The following CDH12 variants were observed in gnomAD, a reference collection of about 807,000 sequenced individuals.
CDH12 encodes cadherin-12.
In CDH12, 41 loss-of-function variants were observed where a neutral mutation model predicts 74.1. The observed-to-expected ratio is 0.55, with a 90% CI of 0.43 to 0.72. The LOEUF is 0.72. CDH12 is among the 30% of genes least tolerant of loss of function. CDH12 has a pLI of 0.00. For synonymous variants in CDH12, 399 were observed against 355.0 expected, an observed-to-expected ratio of 1.12 and a Z score of -1.39; for missense variants, 945 against 977.2, an observed-to-expected ratio of 0.97 and a Z score of 0.44.
chr5:22,711,938 C>A (rs1012641565), intron 1 of CDH12, among the ~76,000 whole-genome samples: 4 of 152,002 alleles, frequency 2.6e-5, no homozygotes, highest in African/African-American at 9.7e-5. Context: ...TAGAAAGCTA[C>A]CCTTTAAGGT....
rs575318070 is a variant in CDH12, at chr5:21,840,873, C to T, written c.814+1288G>A. Among the ~76,000 whole-genome samples the T allele has an allele frequency of 2.0e-3, 311 of 152,192 alleles. 1 individual carries two copies. Among genetic ancestry groups the T allele is most frequent in the African/African-American group, 7.1e-3 (295 of 41,486 alleles). On this transcript the variant is annotated intron_variant, in intron 8 of 14. Coordinates refer to ENST00000382254, the MANE Select transcript of CDH12 (RefSeq NM_004061.5). ...AAACCAATTCAAGATGGATTAAAGA[C>T]TTAAACGTTAGACCTAAAACCATAA...
At chr5:22,799,032 G>T (rs991854845) in intron 1 of CDH12, among the ~76,000 whole-genome samples, 10 of 152,110 alleles carry the variant, frequency 6.6e-5, no homozygotes, top group African/African-American at 2.4e-4. Context: ...TGGGAGGATG[G>T]CTTGAGCCTG....
At chr5:22,652,365 C>A (rs977895883) in intron 1 of CDH12, among the ~76,000 whole-genome samples, 1 of 151,982 alleles carries the variant, frequency 6.6e-6, no homozygotes, top group Non-Finnish European at 1.5e-5. Context: ...ATTCTGTAGC[C>A]CTCTGTTATC....
chr5:21,882,315 G>A (rs1386914331), intron 6 of CDH12, among the ~76,000 whole-genome samples: 3 of 152,116 alleles, frequency 2.0e-5, no homozygotes, highest in Non-Finnish European at 4.4e-5. Flanking sequence ...AGAGGATGAC[G>A]TAAAGCAATC....
At chr5:21,842,418 C>T in intron 7 of CDH12, 90 bp from the exon 8 acceptor site, 1 of 852,734 alleles carries the variant, frequency 1.2e-6, no homozygotes, top group South Asian at 2.0e-5. Flanking sequence ...CATGATTCTA[C>T]CTAGAATCAC....
intron 1 of CDH12, among the ~76,000 whole-genome samples, chr5:22,760,868 G>A (rs58916190): frequency 0.011 from 1,645 of 151,958 alleles, 34 homozygotes; most frequent in African/African-American, 0.038. Flanking sequence ...GATCCTATAC[G>A]TCTGCAACAC....
chr5:22,331,057 G>T (rs999459736), intron 3 of CDH12, among the ~76,000 whole-genome samples: 9 of 152,138 alleles, frequency 5.9e-5, no homozygotes, highest in Non-Finnish European at 1.0e-4. Flanking sequence ...CACAAGGAGA[G>T]GCTCCTCTGC....
intron 5 of CDH12, among the ~76,000 whole-genome samples, chr5:22,037,520 A>G (rs1439864094): frequency 1.3e-5 from 2 of 152,158 alleles, no homozygotes; most frequent in Non-Finnish European, 2.9e-5. Context: ...CAGTGCTGAC[A>G]ACACCTTGAT....
intron 4 of CDH12, among the ~76,000 whole-genome samples, chr5:22,146,984 T>C (rs1314438998): frequency 6.6e-6 from 1 of 152,120 alleles, no homozygotes; most frequent in Non-Finnish European, 1.5e-5. Flanking sequence ...TTATTGCAAA[T>C]GGACATATAT....
intron 1 of CDH12, among the ~76,000 whole-genome samples, chr5:22,843,729 G>C (rs998522772): frequency 3.9e-4 from 59 of 151,712 alleles, no homozygotes; most frequent in African/African-American, 1.2e-3. Context: ...TATTTCCAGT[G>C]CATTTTCTTT....
chr5:22,078,322 T>C, intron 5 of CDH12, 124 bp downstream of exon 5: 1 of 781,068 alleles, frequency 1.3e-6, no homozygotes, highest in South Asian at 1.8e-5. Context: ...CCAGGTCTCT[T>C]GGATTTCAAT....
chr5:22,229,880 C>A (rs1580427412), intron 3 of CDH12, among the ~76,000 whole-genome samples: 1 of 151,920 alleles, frequency 6.6e-6, no homozygotes, highest in African/African-American at 2.4e-5. Context: ...CACACACACA[C>A]AGGGTAGACA....
At chr5:22,317,544 T>C (rs1037125775) in intron 3 of CDH12, among the ~76,000 whole-genome samples, 2 of 152,166 alleles carry the variant, frequency 1.3e-5, no homozygotes, top group Admixed American at 1.3e-4. Context: ...GAATGTCATA[T>C]ACTAGTAGTT....
intron 4 of CDH12, among the ~76,000 whole-genome samples, chr5:22,186,897 A>G (rs1749983621): frequency 6.6e-6 from 1 of 152,248 alleles, no homozygotes; most frequent in Admixed American, 6.5e-5. Flanking sequence ...TCGTAAAAGC[A>G]CTAAATAAAT....
chr5:21,975,799 T>G (rs1161754807), intron 5 of CDH12, among the ~76,000 whole-genome samples: 1 of 152,130 alleles, frequency 6.6e-6, no homozygotes, highest in Admixed American at 6.6e-5. Flanking sequence ...TTTTGAAAAT[T>G]TGTATTTAGT....
chr5:22,600,052 C>G (rs1411829559), intron 1 of CDH12, among the ~76,000 whole-genome samples: 1 of 152,062 alleles, frequency 6.6e-6, no homozygotes, highest in African/African-American at 2.4e-5. Flanking sequence ...AAAAGACATG[C>G]AGACTCTGGA....
chr5:21,919,715 A>G (rs1306599384), intron 6 of CDH12, among the ~76,000 whole-genome samples: 3 of 152,204 alleles, frequency 2.0e-5, no homozygotes, highest in Non-Finnish European at 4.4e-5. Context: ...TCTAAAAGTC[A>G]ACAATATCTG....
intron 8 of CDH12, among the ~76,000 whole-genome samples, chr5:21,828,678 T>G (rs1748819193): frequency 6.6e-6 from 1 of 152,216 alleles, no homozygotes; most frequent in South Asian, 2.1e-4. Flanking sequence ...GGTTTACATT[T>G]TCTGTCTTTT....
At chr5:21,875,094 T>C (rs1431044815) in intron 6 of CDH12, among the ~76,000 whole-genome samples, 1 of 152,174 alleles carries the variant, frequency 6.6e-6, no homozygotes, top group Non-Finnish European at 1.5e-5. Flanking sequence ...CCTGTTGAGG[T>C]TGCAGAGAAA....
Sources: gnomAD v4.1 joint callset for allele counts (sites outside exome capture counted in the v4.1 genomes callset) on GRCh38, gnomAD v4.1.1 for gene constraint, MANE v1.5 for transcripts, NCBI Gene and HGNC (gene_info 2026-07-23, HGNC 2026-07-21) for gene names.